The following MRC2 variants were observed in gnomAD, a reference collection of about 807,000 sequenced individuals.
MRC2 encodes the protein C-type mannose receptor 2.
Under a neutral mutation model 206.2 loss-of-function variants are expected in MRC2, and 84 were observed. The ratio of observed to expected loss-of-function variants is 0.41; its 90% CI spans 0.34 to 0.49. The LOEUF (loss-of-function observed/expected upper bound fraction) is 0.49. MRC2 is among the 20% of genes least tolerant of loss of function. The pLI is 0.31. For synonymous variants in MRC2, 798 were observed against 800.0 expected (o/e 1.00, Z 0.04); for missense variants, 1,676 against 2,001.5 (o/e 0.84, Z 3.10).
intron 6 of MRC2, among the ~76,000 whole-genome samples, chr17:62,668,356 C>CAAAAAAAAAAAAAAAAAAA (rs10631546): frequency 3.3e-5 from 4 of 122,790 alleles, no homozygotes; most frequent in African/African-American, 1.3e-4. Context: ...GACCCTGCCT[C>CAAAAAAAAAAAAAAAAAAA]AAAAAATAAA....
At chr17:62,662,759 A>T (rs1782916887) in intron 1 of MRC2, among the ~76,000 whole-genome samples, 1 of 152,068 alleles carries the variant, frequency 6.6e-6, no homozygotes, top group Admixed American at 6.6e-5. Context: ...AAAATACAAA[A>T]AAATTAGCCA....
intron 1 of MRC2, among the ~76,000 whole-genome samples, chr17:62,657,358 GAATA>G (rs1369069060): frequency 3.3e-5 from 5 of 152,204 alleles, no homozygotes; most frequent in Non-Finnish European, 7.3e-5. Context: ...ATGAATGAAT[GAATA>G]AATGAATGAA....
rs200032762 is a variant in MRC2, at chr17:62,680,326, T to G, written c.2437+18T>G. 5.0e-4 allele frequency: 803 copies of G among 1,613,656 alleles called. 1 individual carries two copies. The highest frequency in any genetic ancestry group is 6.5e-4 in the Non-Finnish European group (763 of 1,179,768). ...CCCCAGAGGTTGGCCGGAGTGGCGC[T>G]GGGGGACGCGGGATGGAGCGAAGGG... On this transcript the variant is annotated intron_variant, in intron 15 of 29. Transcript: ENST00000303375. This position sits in a 1 kb window ranked among gnomAD's most constrained non-coding sequence, Gnocchi z 4.8.
At chr17:62,644,764 A>T (rs973231061) in intron 1 of MRC2, among the ~76,000 whole-genome samples, 2 of 151,862 alleles carry the variant, frequency 1.3e-5, no homozygotes, top group Non-Finnish European at 2.9e-5. Context: ...CTCATTTGGG[A>T]CTTACGTGAG....
intron 8 of MRC2, 34 bp from the exon 9 acceptor site, chr17:62,674,029 G>A (rs1351405511): frequency 1.4e-6 from 2 of 1,468,306 alleles, no homozygotes; most frequent in African/African-American, 1.4e-5. Flanking sequence ...TGGGGAGGTG[G>A]GGGTTGAGAT....
At chr17:62,681,760 C>A (rs758626193) in intron 18 of MRC2, 77 bp from the exon 19 acceptor site, 3 of 1,140,126 alleles carry the variant, frequency 2.6e-6, no homozygotes, top group Admixed American at 4.1e-5. Context: ...CCCATTCCTG[C>A]GGCCTTCATT....
At chr17:62,639,579 C>A (rs1181085039) in intron 1 of MRC2, among the ~76,000 whole-genome samples, 1 of 152,084 alleles carries the variant, frequency 6.6e-6, no homozygotes, top group Non-Finnish European at 1.5e-5. Context: ...CATAATTTTA[C>A]TTTTGGTAAT....
chr17:62,681,132 A>G lies in MRC2; in HGVS notation c.2702+3A>G, dbSNP rs574311084. 1 of 1,613,458 alleles carries G rather than the reference A, an allele frequency of 6.2e-7. No individual in the cohort carries two copies. Among genetic ancestry groups the G allele is most frequent in the African/African-American group, 1.3e-5 (1 of 75,066 alleles). ...TCTGAGAGCGATGGGCGCTTCAGGT[A>G]GGAACCCAGGCAGGCAGCAGATGTG... On this transcript the variant is annotated splice_donor_region_variant and intron_variant, in intron 18 of 29. Coordinates refer to ENST00000303375, the MANE Select transcript of MRC2 (RefSeq NM_006039.5).
In MRC2 at chr17:62,667,778, G is replaced by A. The variant is rs1296528686; in HGVS notation, c.1117+245G>A. ...TGGCAATACCCACTGTTACCTCGTA[G>A]AGACCACAGTCTGCTGGAGGTGACA... is the stretch of plus-strand genomic sequence containing the variant. On this transcript the variant is annotated intron_variant, in intron 6 of 29. Transcript: ENST00000303375. This position sits in a 1 kb window ranked among gnomAD's most constrained non-coding sequence, Gnocchi z 4.1. 3.9e-5 allele frequency among the ~76,000 whole-genome samples: 6 copies of A among 152,216 alleles called. No individual in the cohort carries two copies. The highest frequency in any genetic ancestry group is 5.9e-5 in the Non-Finnish European group (4 of 68,040).
At chr17:62,690,098 A>G (rs1277912976) in intron 25 of MRC2, 36 bp downstream of exon 25, 1 of 1,582,146 alleles carries the variant, frequency 6.3e-7, no homozygotes, top group Non-Finnish European at 8.6e-7. Context: ...GGCATGGGCA[A>G]GCTGTCGGTG....
chr17:62,665,400 G>GT (rs1449301149), intron 2 of MRC2, among the ~76,000 whole-genome samples: 1 of 63,006 alleles, frequency 1.6e-5, no homozygotes, highest in Non-Finnish European at 3.1e-5. Context: ...GCAAGACTCT[G>GT]TCCCCCCCCC....
intron 23 of MRC2, 96 bp from the exon 24 acceptor site, chr17:62,689,426 G>T: frequency 1.2e-6 from 1 of 817,878 alleles, no homozygotes; most frequent in Non-Finnish European, 1.9e-6. Flanking sequence ...GTGGAGACCG[G>T]GTCTTTGCCT....
intron 1 of MRC2, among the ~76,000 whole-genome samples, chr17:62,653,235 A>G (rs1775336829): frequency 6.6e-6 from 1 of 152,150 alleles, no homozygotes; most frequent in African/African-American, 2.4e-5. Context: ...GCTTTGGTCT[A>G]AGACAAAAGC....
intron 1 of MRC2, among the ~76,000 whole-genome samples, chr17:62,650,017 C>T (rs2088536962): frequency 6.6e-6 from 1 of 151,988 alleles, no homozygotes; most frequent in Non-Finnish European, 1.5e-5. Context: ...GCCTCAGCCT[C>T]CTGAGTAGCT....
chr17:62,693,135 C>T lies in MRC2; in HGVS notation c.*684C>T, dbSNP rs1337797057. The T allele has an allele frequency of 6.6e-6, 1 of 152,576 alleles. No homozygotes were observed. The highest frequency in any genetic ancestry group is 1.5e-5 in the Non-Finnish European group (1 of 68,114). 9.5% of individuals were successfully genotyped at this position (152,576 alleles called of 1,614,324 possible). On this transcript the variant is annotated 3_prime_UTR_variant, in exon 30 of 30. Transcript: ENST00000303375. ...TGGAGATAAGACTGGGGAGAGACAC[C>T]CCAACCTCCCAGGGTGGGAGCTGGG...
chr17:62,654,092 G>T (rs1014177531), intron 1 of MRC2, among the ~76,000 whole-genome samples: 1 of 152,096 alleles, frequency 6.6e-6, no homozygotes, highest in African/African-American at 2.4e-5. Context: ...CTTGGCTGGC[G>T]GCCCTTTCAG....
Position 62,676,618 on chromosome 17 carries a change from C to T in MRC2, c.1834+87C>T. 2.0e-6 allele frequency: 3 copies of T among 1,477,588 alleles called. No homozygotes were observed. In the East Asian group the frequency reaches 6.9e-5, roughly 34 times the overall value. The allele number at this position is 1,477,588 out of a possible 1,614,324, so 91.5% of individuals were successfully genotyped here. A position where few individuals can be genotyped will look rare whatever the true frequency, so the allele number is the denominator to read the frequency against. On this transcript the variant is annotated intron_variant, in intron 11 of 29. Coordinates refer to ENST00000303375, the MANE Select transcript of MRC2 (RefSeq NM_006039.5). ...TGCCAGCACCGAGCCCCAGGGCTTC[C>T]CCATAAACAGATCATTGGTGCACTG...
At chr17:62,669,728 T>C (rs763463869) in intron 6 of MRC2, among the ~76,000 whole-genome samples, 8 of 150,532 alleles carry the variant, frequency 5.3e-5, no homozygotes, top group Admixed American at 1.3e-4. Context: ...GGCTAATTTT[T>C]TTGTATTTTT....
chr17:62,678,610 A>ACAT lies in MRC2; in HGVS notation c.2159_2160insCAT (p.Glu720delinsAspMet). ...CTGAGCCTGGCCAGCTACGAGGAGG[A>ACAT]GCACTTTGTGGCCAACATGCTCAAC... On this transcript the variant is annotated protein_altering_variant, in exon 13 of 30. Transcript: ENST00000303375. 1 of 1,611,792 alleles carries ACAT rather than the reference A, an allele frequency of 6.2e-7. No homozygotes were observed. The highest frequency in any genetic ancestry group is 1.1e-5 in the South Asian group (1 of 90,872).
Sources: allele counts gnomAD v4.1 joint callset (sites outside exome capture counted in the v4.1 genomes callset), GRCh38; gene constraint gnomAD v4.1.1; non-coding constraint Gnocchi (gnomAD v3.1); transcripts MANE v1.5; gene names NCBI Gene and HGNC (gene_info 2026-07-23, HGNC 2026-07-21).